CDK6: variants seen among roughly 807,000 people sequenced by gnomAD.
CDK6 encodes the protein cyclin-dependent kinase 6.
Under a neutral mutation model 37.1 loss-of-function variants are expected in CDK6, and 6 were observed. The ratio of observed to expected loss-of-function variants is 0.16; its 90% CI spans 0.09 to 0.32. The LOEUF (loss-of-function observed/expected upper bound fraction) is 0.32. CDK6 is among the 10% of genes least tolerant of loss of function. CDK6 has a pLI of 1.00. For missense variants in CDK6, 224 were observed against 418.9 expected (o/e 0.53, Z 4.06); for synonymous variants, 160 against 161.3 (o/e 0.99, Z 0.06).
chr7:92,629,588 G>A (rs1225955122), intron 5 of CDK6, among the ~76,000 whole-genome samples: 1 of 152,102 alleles, frequency 6.6e-6, no homozygotes, highest in Non-Finnish European at 1.5e-5. Context: ...AGACTAAGCG[G>A]TCGTTGAGAT....
At chr7:92,705,050 T>G (rs12534282) in intron 4 of CDK6, among the ~76,000 whole-genome samples, 1 of 152,210 alleles carries the variant, frequency 6.6e-6, no homozygotes, top group African/African-American at 2.4e-5. Flanking sequence ...ATCGAACTGG[T>G]GAGTTTTGTC....
At chr7:92,683,975 A>G (rs1015927404) in intron 4 of CDK6, among the ~76,000 whole-genome samples, 1 of 152,242 alleles carries the variant, frequency 6.6e-6, no homozygotes, top group African/African-American at 2.4e-5. Context: ...TCTCTTCTCT[A>G]AAACTTTTCA....
intron 3 of CDK6, among the ~76,000 whole-genome samples, chr7:92,760,169 A>G (rs1799419477): frequency 6.6e-6 from 1 of 152,190 alleles, no homozygotes; most frequent in Admixed American, 6.5e-5. Context: ...CTCATCAGCA[A>G]TTGCTTCCAT....
At chr7:92,641,657 CAGATTTTTATA>C (rs1338797303) in intron 5 of CDK6, among the ~76,000 whole-genome samples, 1 of 152,100 alleles carries the variant, frequency 6.6e-6, no homozygotes, top group Admixed American at 6.5e-5. Flanking sequence ...ATACATTATA[CAGATTTTTATA>C]AGATTTTTAA....
intron 2 of CDK6, among the ~76,000 whole-genome samples, chr7:92,831,326 G>A (rs1187251213): frequency 6.6e-6 from 1 of 152,130 alleles, no homozygotes; most frequent in Non-Finnish European, 1.5e-5. Context: ...GTTATACAGG[G>A]GTGCCTCTGT....
At chr7:92,673,707 T>C (rs1046616175) in intron 4 of CDK6, among the ~76,000 whole-genome samples, 6 of 152,190 alleles carry the variant, frequency 3.9e-5, no homozygotes, top group Non-Finnish European at 5.9e-5. Context: ...ATAGGTCTTA[T>C]CTTGTGCCAC....
intron 4 of CDK6, among the ~76,000 whole-genome samples, chr7:92,676,952 G>A (rs1188244158): frequency 2.1e-4 from 29 of 139,460 alleles, no homozygotes; most frequent in African/African-American, 7.5e-4. Context: ...GAGAGACTCC[G>A]TCTCAAAAAA....
intron 5 of CDK6, among the ~76,000 whole-genome samples, chr7:92,669,853 C>T (rs552858120): frequency 3.0e-4 from 45 of 152,230 alleles, no homozygotes; most frequent in Admixed American, 9.2e-4. Flanking sequence ...GTATTAGGAT[C>T]GGAGGACTTG....
intron 2 of CDK6, among the ~76,000 whole-genome samples, chr7:92,796,365 A>C (rs1299578285): frequency 6.6e-6 from 1 of 152,142 alleles, no homozygotes; most frequent in Non-Finnish European, 1.5e-5. Flanking sequence ...ACTTGTTTCA[A>C]GATACAAAAA....
At chr7:92,724,768 T>C (rs918684116) in intron 4 of CDK6, among the ~76,000 whole-genome samples, 1 of 152,212 alleles carries the variant, frequency 6.6e-6, no homozygotes, top group Admixed American at 6.5e-5. Flanking sequence ...ATTTTCTTTT[T>C]TAAAATTCTT....
At chr7:92,774,870 A>C in intron 2 of CDK6, 39 bp from the exon 3 acceptor site, 2 of 1,589,758 alleles carry the variant, frequency 1.3e-6, no homozygotes, top group Middle Eastern at 3.3e-4. Flanking sequence ...GGTGGCAATA[A>C]GCAAAGAAGT....
Position 92,832,637 on chromosome 7 carries a change from A to G in CDK6, c.233+454T>C, listed in dbSNP as rs556231307. Among the ~76,000 whole-genome samples the G allele has an allele frequency of 2.6e-5, 4 of 152,296 alleles. No individual in the cohort carries two copies. The East Asian group carries it at 7.7e-4, about 29-fold the overall frequency. ...GATTTACACTTGGCTCCACCCATAA[A>G]GTTCCCACTGATTATCACACGGCAT... is the stretch of plus-strand genomic sequence containing the variant. On this transcript the variant is annotated intron_variant, in intron 2 of 7. Transcript: ENST00000424848.
intron 2 of CDK6, among the ~76,000 whole-genome samples, chr7:92,816,699 T>A (rs908488680): frequency 6.6e-6 from 1 of 151,706 alleles, no homozygotes; most frequent in African/African-American, 2.4e-5. Flanking sequence ...CCAATGTAAG[T>A]AGGAAAAGAA....
chr7:92,644,502 A>C (rs1796395417), intron 5 of CDK6, among the ~76,000 whole-genome samples: 1 of 152,168 alleles, frequency 6.6e-6, no homozygotes, highest in South Asian at 2.1e-4. Context: ...TTTTCCCTCC[A>C]TCACAATATT....
chr7:92,665,844 C>G (rs796136200), intron 5 of CDK6, among the ~76,000 whole-genome samples: 1 of 152,208 alleles, frequency 6.6e-6, no homozygotes, highest in African/African-American at 2.4e-5. Context: ...CAAAGGCGAT[C>G]GAGTCAGGCA....
At position 92,671,475 on chromosome 7, in the gene CDK6, C is replaced by T. The variant is rs2116602901; in HGVS notation, c.598G>A (p.Val200Met). ...ATGCAGCCAACACTCCAGAGATCCA[C>T]GGGGGTGGCGTAGCTGGACTGGAGC... Reference protein sequence around the residue: ...VLLQSSYATPVDLWSVGCIFA... With the variant: ...VLLQSSYATPMDLWSVGCIFA... Residue 200 changes from valine (V) to methionine (M), a missense_variant, in exon 5 of 8, where the codon GTG becomes ATG. Around this residue, in one of 5 missense-constraint regions of CDK6, gnomAD observed 82 missense variants for 202.1 expected, o/e 0.41. Transcript: ENST00000424848. The T allele has an allele frequency of 1.9e-6, 3 of 1,581,378 alleles. No individual in the cohort carries two copies. Among genetic ancestry groups the T allele is most frequent in the South Asian group, 1.2e-5 (1 of 86,868 alleles).
chr7:92,791,741 G>A (rs1800286644), intron 2 of CDK6, among the ~76,000 whole-genome samples: 1 of 152,164 alleles, frequency 6.6e-6, no homozygotes, highest in African/African-American at 2.4e-5. Context: ...AGGACAGTCT[G>A]GAATTTGCCA....
intron 3 of CDK6, among the ~76,000 whole-genome samples, chr7:92,746,667 A>T (rs956046206): frequency 6.6e-6 from 1 of 152,166 alleles, no homozygotes; most frequent in African/African-American, 2.4e-5. Flanking sequence ...GATAAGAGAT[A>T]CTCAATCTGT....
intron 3 of CDK6, among the ~76,000 whole-genome samples, chr7:92,767,398 G>T (rs1394971713): frequency 6.6e-6 from 1 of 152,078 alleles, no homozygotes; most frequent in Non-Finnish European, 1.5e-5. Flanking sequence ...GGAGCAGAGG[G>T]AAACAAATGG....
Sources: gnomAD v4.1 joint callset for allele counts (sites outside exome capture counted in the v4.1 genomes callset) on GRCh38, gnomAD v4.1.1 for gene constraint, gnomAD v4.1.1 regional missense constraint, MANE v1.5 for transcripts, NCBI Gene and HGNC (gene_info 2026-07-23, HGNC 2026-07-21) for gene names.